Variants in KEL observed in about 807,000 individuals in gnomAD.
KEL encodes the protein kell blood group glycoprotein.
KEL carries 96 observed loss-of-function variants against 99.5 expected under a neutral mutation model. That is an observed-to-expected ratio of 0.97 (90% CI 0.82 to 1.14). The LOEUF is 1.14. Among genes scored for constraint, KEL ranks in the 50% most tolerant of loss-of-function variants. The probability of loss-of-function intolerance (pLI) is 0.00; values close to 1 mark genes in which losing one functional copy is unlikely to be tolerated. For missense variants in KEL, 926 were observed against 924.2 expected (o/e 1.00, Z -0.03); for synonymous variants, 355 against 354.8 (o/e 1.00, Z -0.01).
intron 10 of KEL, among the ~76,000 whole-genome samples, chr7:142,951,831 C>T (rs189766609): frequency 2.6e-5 from 4 of 152,230 alleles, no homozygotes; most frequent in African/African-American, 9.6e-5. Flanking sequence ...ATTTTTAAGA[C>T]TAAACTGAGG....
At chr7:142,946,951 A>G (rs1283029285) in intron 10 of KEL, among the ~76,000 whole-genome samples, 1 of 152,200 alleles carries the variant, frequency 6.6e-6, no homozygotes, top group Non-Finnish European at 1.5e-5. Context: ...CAGAGAGGAG[A>G]GAATAGAACA....
At chr7:142,953,738 G>T in intron 9 of KEL, 70 bp downstream of exon 9, 3 of 1,577,866 alleles carry the variant, frequency 1.9e-6, no homozygotes, top group Non-Finnish European at 2.6e-6. Context: ...GGTTTCCTTT[G>T]CCCCCAAGAT....
At chr7:142,945,899 A>G (rs1030040572) in intron 11 of KEL, among the ~76,000 whole-genome samples, 1 of 152,174 alleles carries the variant, frequency 6.6e-6, no homozygotes, top group African/African-American at 2.4e-5. Context: ...AAGTGCTGGG[A>G]TTACAGGTGT....
At chr7:142,942,214 TG>T in intron 18 of KEL, 1 of 584,694 alleles carries the variant, frequency 1.7e-6, no homozygotes. Context: ...TTCTACCTTT[TG>T]AGTTGTGGGG....
Position 142,941,249 on chromosome 7 carries a change from A to T in KEL, c.*3T>A, listed in dbSNP as rs1436319509. ...CTGTGCTGTGGCATCTTTGGTAACC[A>T]AGTTACCAGAGCTGGCAGCGGCTGG... On this transcript the variant is annotated 3_prime_UTR_variant, in exon 19 of 19. Coordinates refer to ENST00000355265, the MANE Select transcript of KEL (RefSeq NM_000420.3). 6.2e-7 allele frequency: 1 copy of T among 1,613,862 alleles called. No homozygotes were observed. The highest frequency in any genetic ancestry group is 1.7e-5 in the Admixed American group (1 of 60,022).
intron 6 of KEL, among the ~76,000 whole-genome samples, chr7:142,955,517 G>T (rs779318841): frequency 1.3e-5 from 2 of 152,064 alleles, no homozygotes; most frequent in Non-Finnish European, 2.9e-5. Flanking sequence ...CATTGATTTT[G>T]ATTTTTTAGG....
At chr7:142,951,816 C>T (rs1473787538) in intron 10 of KEL, among the ~76,000 whole-genome samples, 1 of 152,004 alleles carries the variant, frequency 6.6e-6, no homozygotes, top group East Asian at 1.9e-4. Flanking sequence ...AAAAAAAATC[C>T]AGTGATTTTT....
intron 13 of KEL, 37 bp from the exon 14 acceptor site, chr7:142,943,920 G>T: frequency 6.5e-7 from 1 of 1,532,210 alleles, no homozygotes; most frequent in Non-Finnish European, 9.0e-7. Context: ...GGCACACAGA[G>T]ACTTCTATAG....
At position 142,961,364 on chromosome 7, in the gene KEL, G is replaced by A; in HGVS notation, c.219C>T (p.Gly73=). The A allele has an allele frequency of 6.2e-7, 1 of 1,613,252 alleles. No individual in the cohort carries two copies. Among genetic ancestry groups the A allele is most frequent in the Non-Finnish European group, 8.5e-7 (1 of 1,180,042 alleles). ...GGGGTCTGGGATCTTGCTTACGAGGGCCACAGTTCTGGAAGTTGTAGAACA... is the reference window on the plus strand; with the variant it reads ...GGGGTCTGGGATCTTGCTTACGAGGACCACAGTTCTGGAAGTTGTAGAACA... ...VLLFYNFQNC[G]PRPCETSVCL... The change falls in exon 3 of 19, where the codon GGC becomes GGT. Residue 73 remains glycine (G), a synonymous_variant. Coordinates refer to ENST00000355265, the MANE Select transcript of KEL (RefSeq NM_000420.3).
At position 142,944,710 on chromosome 7, in the gene KEL, G is replaced by A. The variant is rs1003983062; in HGVS notation, c.1346C>T (p.Ala449Val). 3 of 1,614,112 alleles carry A rather than the reference G, an allele frequency of 1.9e-6. No homozygotes were observed. The Admixed American group carries it at 5.0e-5, about 27-fold the overall frequency. Reference sequence around the variant, plus strand: ...AAGGTTTCTGAGGCGAGTGATGAGGGCATCCCGGATCGCAGTGAATAATTT... The same window carrying A: ...AAGGTTTCTGAGGCGAGTGATGAGGACATCCCGGATCGCAGTGAATAATTT... ...AMKLFTAIRD[A>V]LITRLRNLPW... The change falls in exon 12 of 19, where the codon GCC (alanine) becomes GTC (valine). Residue 449 changes from alanine to valine, a missense_variant. Physicochemically the swap from Ala to Val is moderately conservative, Grantham distance 64. Coordinates refer to ENST00000355265, the MANE Select transcript of KEL (RefSeq NM_000420.3).
intron 14 of KEL, 21 bp downstream of exon 14, chr7:142,943,762 G>C: frequency 6.2e-7 from 1 of 1,603,926 alleles, no homozygotes; most frequent in South Asian, 1.1e-5. Context: ...TGGAGTGCCT[G>C]TGTCTCCCCT....
Position 142,961,804 on chromosome 7 carries a change from C to G in KEL, c.72G>C (p.Trp24Cys). The change falls in exon 2 of 19, where the codon TGG (tryptophan) becomes TGC (cysteine). Residue 24 changes from tryptophan to cysteine, a missense_variant. Trp to Cys is a radical substitution (Grantham distance 215). Transcript: ENST00000355265. ...AGAGGAGGCCACTTACCTCTTGGCT[C>G]CAGAGAGTTCCCATTCCACCTGCCT... ...RSQAGGMGTL[W>C]SQESTPEERL... The G allele has an allele frequency of 6.2e-7, 1 of 1,613,978 alleles. No individual in the cohort carries two copies. Among genetic ancestry groups the G allele is most frequent in the Admixed American group, 1.7e-5 (1 of 60,018 alleles).
At chr7:142,961,641 C>A in intron 2 of KEL, 140 bp from the exon 3 acceptor site, 2 of 1,336,936 alleles carry the variant, frequency 1.5e-6, no homozygotes. Context: ...CTAAACCCAG[C>A]CCTACTTTAA....
At chr7:142,942,200 T>A in intron 18 of KEL, 1 of 575,556 alleles carries the variant, frequency 1.7e-6, no homozygotes, top group Non-Finnish European at 3.1e-6. Flanking sequence ...GGGAATAGAG[T>A]TTTTTCTACC....
intron 1 of KEL, 105 bp downstream of exon 1, chr7:142,962,096 TCTA>T: frequency 6.2e-7 from 1 of 1,613,894 alleles, no homozygotes; most frequent in South Asian, 1.1e-5. Flanking sequence ...TCCCCACCTT[TCTA>T]CTCTGTAAGC....
Position 142,944,363 on chromosome 7 carries a change from C to T in KEL, c.1451G>A (p.Trp484Ter). 1 of 1,614,072 alleles carries T rather than the reference C, an allele frequency of 6.2e-7. No homozygotes were observed. The highest frequency in any genetic ancestry group is 8.5e-7 in the Non-Finnish European group (1 of 1,179,912). Residue 484 changes from tryptophan (W) to a stop codon, truncating the protein, a stop_gained, in exon 13 of 19, where the codon TGG becomes TAG. Coordinates refer to ENST00000355265, the MANE Select transcript of KEL (RefSeq NM_000420.3). LOFTEE classifies it high-confidence loss of function. ...QLQVEMGASE[W>*]ALKPELARQE... ...TCGGGCCAGCTCTGGCTTCAGGGCC[C>T]ATTCTGAAGCCCCCATCTCCACCTG...
chr7:142,941,241 T>C lies in KEL; in HGVS notation c.*11A>G. On this transcript the variant is annotated 3_prime_UTR_variant, in exon 19 of 19. Coordinates refer to ENST00000355265, the MANE Select transcript of KEL (RefSeq NM_000420.3). ...CGATATTTCTGTGCTGTGGCATCTTTGGTAACCAAGTTACCAGAGCTGGCA... is the reference window on the plus strand; with the variant it reads ...CGATATTTCTGTGCTGTGGCATCTTCGGTAACCAAGTTACCAGAGCTGGCA... 6.2e-7 allele frequency: 1 copy of C among 1,614,144 alleles called. No individual in the cohort carries two copies.
chr7:142,951,552 C>T (rs1203504405), intron 10 of KEL, among the ~76,000 whole-genome samples: 1 of 152,128 alleles, frequency 6.6e-6, no homozygotes, highest in African/African-American at 2.4e-5. Flanking sequence ...ATCTTTCGTG[C>T]CTCTGTCTCC....
intron 14 of KEL, 39 bp downstream of exon 14, chr7:142,943,744 C>T (rs775856412): frequency 3.2e-6 from 5 of 1,580,298 alleles, no homozygotes; most frequent in Admixed American, 1.7e-5. Context: ...GGATGGGTCT[C>T]TCTGGGATGG....
Sources: gnomAD v4.1 joint callset for allele counts (sites outside exome capture counted in the v4.1 genomes callset) on GRCh38, gnomAD v4.1.1 for gene constraint, MANE v1.5 for transcripts, NCBI Gene and HGNC (gene_info 2026-07-23, HGNC 2026-07-21) for gene names.